ARFGEF3: variants seen among roughly 807,000 people sequenced by gnomAD.
The protein encoded by ARFGEF3 is ARFGEF family member 3.
Under a neutral mutation model 221.7 loss-of-function variants are expected in ARFGEF3, and 96 were observed. The ratio of observed to expected loss-of-function variants is 0.43; its 90% CI spans 0.37 to 0.51. The LOEUF (loss-of-function observed/expected upper bound fraction) is 0.51, where lower values mean the gene tolerates loss of function less well. ARFGEF3 is among the 20% of genes least tolerant of loss of function. The pLI, the probability that ARFGEF3 is intolerant of heterozygous loss-of-function variation, is 0.00. For missense variants in ARFGEF3, 2,410 were observed against 2,789.9 expected, an observed-to-expected ratio of 0.86 and a Z score of 3.07; for synonymous variants, 1,145 against 1,126.8, an observed-to-expected ratio of 1.02 and a Z score of -0.32.
chr6:138,185,942 C>T (rs184298825), intron 2 of ARFGEF3, among the ~76,000 whole-genome samples: 13 of 152,210 alleles, frequency 8.5e-5, no homozygotes, highest in Admixed American at 7.8e-4. Flanking sequence ...ACAATAGGTA[C>T]GAACATAATC....
At position 138,162,535 on chromosome 6, in the gene ARFGEF3, G is replaced by A. The variant is rs541476748; in HGVS notation, c.85+364G>A. On this transcript the variant is annotated intron_variant, in intron 1 of 33. Transcript: ENST00000251691. The surrounding 1 kb of genome is among the most constrained non-coding windows in gnomAD (Gnocchi z 4.7). Reference sequence around the variant, plus strand: ...ACAGCGAAGCGCCTCTGGGGAAAAGGGAAGTTAAACCAACAACCCCGATGT... The same window carrying A: ...ACAGCGAAGCGCCTCTGGGGAAAAGAGAAGTTAAACCAACAACCCCGATGT... Among the ~76,000 whole-genome samples, 1 of 152,218 alleles carries A rather than the reference G, an allele frequency of 6.6e-6. No individual in the cohort carries two copies. Among genetic ancestry groups the A allele is most frequent in the Non-Finnish European group, 1.5e-5 (1 of 68,042 alleles).
rs972730691 is a variant in ARFGEF3 at position 138,341,752 on chromosome 6, A to T, written c.*5266A>T. ...GCTATTTGATGTGGAAATAACTAAT[A>T]ACTTAAGATTTTGGAACAGAACACC... On this transcript the variant is annotated 3_prime_UTR_variant, in exon 34 of 34. Transcript: ENST00000251691. 6.6e-6 allele frequency: 1 copy of T among 152,200 alleles called. No homozygotes were observed. Among genetic ancestry groups the T allele is most frequent in the Non-Finnish European group, 1.5e-5 (1 of 68,032 alleles). 9.4% of individuals were successfully genotyped at this position (152,200 alleles called of 1,614,324 possible). A position where few individuals can be genotyped will look rare whatever the true frequency, so the allele number is the denominator to read the frequency against.
At chr6:138,254,770 C>T (rs540272147) in intron 9 of ARFGEF3, among the ~76,000 whole-genome samples, 2 of 152,274 alleles carry the variant, frequency 1.3e-5, no homozygotes, top group South Asian at 2.1e-4. Context: ...ATCCATCAGA[C>T]CAAACTCCGC....
intron 24 of ARFGEF3, among the ~76,000 whole-genome samples, chr6:138,310,114 C>G (rs1779799053): frequency 6.6e-6 from 1 of 152,202 alleles, no homozygotes; most frequent in South Asian, 2.1e-4. Flanking sequence ...GTGGAAAAGG[C>G]AGAGCCCCTT....
chr6:138,177,902 T>C (rs189537988), intron 2 of ARFGEF3, among the ~76,000 whole-genome samples: 15 of 152,294 alleles, frequency 9.8e-5, no homozygotes, highest in Admixed American at 3.9e-4. Flanking sequence ...CAGATTTTTC[T>C]TGCATCTCAT....
intron 3 of ARFGEF3, among the ~76,000 whole-genome samples, chr6:138,207,795 G>A (rs1487774956): frequency 6.6e-6 from 1 of 152,160 alleles, no homozygotes; most frequent in East Asian, 1.9e-4. Flanking sequence ...GTTCAGTGTG[G>A]CGATGGATAA....
intron 2 of ARFGEF3, among the ~76,000 whole-genome samples, chr6:138,184,775 T>C (rs1388869215): frequency 6.6e-6 from 1 of 152,214 alleles, no homozygotes; most frequent in African/African-American, 2.4e-5. Context: ...GAAATTTCTT[T>C]GAGCTGGCCT....
At chr6:138,288,218 T>C (rs973534773) in intron 17 of ARFGEF3, among the ~76,000 whole-genome samples, 4 of 152,052 alleles carry the variant, frequency 2.6e-5, no homozygotes, top group Admixed American at 2.0e-4. Context: ...ACCCTGTCTC[T>C]ACTAAAAATA....
chr6:138,210,095 TC>T, intron 4 of ARFGEF3, 54 bp downstream of exon 4: 1 of 1,571,824 alleles, frequency 6.4e-7, no homozygotes, highest in Non-Finnish European at 8.7e-7. Flanking sequence ...CACATCCTGA[TC>T]CCCTGCACTT....
At chr6:138,186,084 A>G (rs888006610) in intron 2 of ARFGEF3, among the ~76,000 whole-genome samples, 1 of 152,210 alleles carries the variant, frequency 6.6e-6, no homozygotes, top group Non-Finnish European at 1.5e-5. Context: ...TGTTTCTTCA[A>G]TGCATATTTG....
intron 31 of ARFGEF3, 57 bp downstream of exon 31, chr6:138,324,211 A>G: frequency 4.1e-5 from 65 of 1,574,164 alleles, no homozygotes; most frequent in Non-Finnish European, 5.6e-5. Context: ...GCATGTTGGG[A>G]GACCTTCCTT....
At chr6:138,316,238 T>C (rs1232312982) in intron 26 of ARFGEF3, among the ~76,000 whole-genome samples, 1 of 152,182 alleles carries the variant, frequency 6.6e-6, no homozygotes, top group Non-Finnish European at 1.5e-5. Context: ...ACTTTAAAGT[T>C]ATCATTATGT....
At chr6:138,278,180 T>G (rs1281248842) in intron 12 of ARFGEF3, among the ~76,000 whole-genome samples, 1 of 152,146 alleles carries the variant, frequency 6.6e-6, no homozygotes, top group Non-Finnish European at 1.5e-5. Context: ...AAGGTGAGAC[T>G]TACAGGGTTT....
Position 138,205,255 on chromosome 6 carries a change from G to T in ARFGEF3, c.138-1787G>T, listed in dbSNP as rs73564959. ...GTACATTTTTAGCTCATAGCTACGG[G>T]ATATATTTCCTCTTCCCTGGGCTAT... On this transcript the variant is annotated intron_variant, in intron 2 of 33. Coordinates refer to ENST00000251691, the MANE Select transcript of ARFGEF3 (RefSeq NM_020340.5). Among the ~76,000 whole-genome samples, 1,385 of 152,252 alleles carry T rather than the reference G, an allele frequency of 9.1e-3. 23 individuals carry two copies. Among genetic ancestry groups the T allele is most frequent in the African/African-American group, 0.032 (1,328 of 41,536 alleles).
intron 14 of ARFGEF3, among the ~76,000 whole-genome samples, chr6:138,285,343 C>T (rs887728503): frequency 1.3e-5 from 2 of 150,744 alleles, no homozygotes; most frequent in East Asian, 2.0e-4. Context: ...CCCAGCTACT[C>T]GGGAGGCTGA....
rs1303252059 is a variant in ARFGEF3, at chr6:138,286,694, G to A, written c.2570-7G>A. 8 of 1,613,640 alleles carry A rather than the reference G, an allele frequency of 5.0e-6. No homozygotes were observed. The Admixed American group carries it at 1.0e-4, about 20-fold the overall frequency. On this transcript the variant is annotated splice_region_variant and splice_polypyrimidine_tract_variant and intron_variant, in intron 15 of 33. Coordinates refer to ENST00000251691, the MANE Select transcript of ARFGEF3 (RefSeq NM_020340.5). The stretch of plus-strand genomic sequence containing the variant: ...TAGAAAATGACACACACCCCTCCAT[G>A]TTCCAGGCGTGGCATTTGCTCGCTA...
At chr6:138,298,545 C>A in intron 21 of ARFGEF3, 61 bp from the exon 22 acceptor site, 1 of 1,435,488 alleles carries the variant, frequency 7.0e-7, no homozygotes, top group Non-Finnish European at 9.5e-7. Context: ...GGAAAGCCTT[C>A]AGAAACCATT....
intron 14 of ARFGEF3, 53 bp from the exon 15 acceptor site, chr6:138,285,892 GT>G: frequency 9.2e-7 from 1 of 1,083,026 alleles, no homozygotes. Context: ...CCATTTGCTT[GT>G]TTTTGACTGG....
At chr6:138,266,286 C>G (rs896485240) in intron 12 of ARFGEF3, among the ~76,000 whole-genome samples, 6 of 149,306 alleles carry the variant, frequency 4.0e-5, no homozygotes, top group Non-Finnish European at 8.9e-5. Flanking sequence ...GAAGGGAAGG[C>G]AAGGGAGGGC....
Sources: allele counts gnomAD v4.1 joint callset (sites outside exome capture counted in the v4.1 genomes callset), GRCh38; gene constraint gnomAD v4.1.1; non-coding constraint Gnocchi (gnomAD v3.1); transcripts MANE v1.5; gene names NCBI Gene and HGNC (gene_info 2026-07-23, HGNC 2026-07-21).